The following FOXP1 variants were observed in gnomAD, a reference collection of about 807,000 sequenced individuals.
FOXP1 encodes forkhead box protein P1.
A neutral mutation model predicts 98.2 loss-of-function variants in FOXP1; 15 were observed. The ratio of observed to expected loss-of-function variants is 0.15; its 90% CI spans 0.10 to 0.24. FOXP1 has a LOEUF of 0.24. Ranked by LOEUF, FOXP1 falls within the 10% of genes least tolerant of loss-of-function variation. FOXP1 has a pLI of 1.00. For synonymous variants in FOXP1, 371 were observed against 314.5 expected (o/e 1.18, Z -1.90); for missense variants, 633 against 848.5 (o/e 0.75, Z 3.15).
chr3:71,100,998 G>A lies in FOXP1; in HGVS notation c.282+11538C>T, dbSNP rs1047469920. ...ATAAAGAACAGAAGATTCTTTGAGGGGAGGGGGTGACGGGTTGGAAAAAGT... is the reference window on the plus strand; with the variant it reads ...ATAAAGAACAGAAGATTCTTTGAGGAGAGGGGGTGACGGGTTGGAAAAAGT... On this transcript the variant is annotated intron_variant, in intron 7 of 20. Transcript: ENST00000649528. 5.9e-5 allele frequency among the ~76,000 whole-genome samples: 9 copies of A among 152,140 alleles called. No individual in the cohort carries two copies. In the East Asian group the frequency reaches 1.7e-3, roughly 29 times the overall value.
intron 3 of FOXP1, among the ~76,000 whole-genome samples, chr3:71,368,703 G>T (rs2079086148): frequency 6.6e-6 from 1 of 152,092 alleles, no homozygotes; most frequent in Admixed American, 6.6e-5. Flanking sequence ...CAATTTCACT[G>T]GCATTTATAC....
chr3:71,401,668 T>C (rs1299752009), intron 3 of FOXP1, among the ~76,000 whole-genome samples: 2 of 152,222 alleles, frequency 1.3e-5, no homozygotes, highest in African/African-American at 2.4e-5. Flanking sequence ...AAGACAACCT[T>C]TGCTGGGCAT....
intron 3 of FOXP1, among the ~76,000 whole-genome samples, chr3:71,414,465 G>A (rs1266894491): frequency 6.6e-6 from 1 of 152,192 alleles, no homozygotes; most frequent in Non-Finnish European, 1.5e-5. Flanking sequence ...CCACACAGCA[G>A]GGGATGCAGC....
rs1235228711 is a variant in FOXP1, at chr3:71,534,463, C to T, written c.-297-40908G>A. Among the ~76,000 whole-genome samples the T allele has an allele frequency of 2.6e-5, 4 of 152,302 alleles. No individual in the cohort carries two copies. The East Asian group carries it at 7.7e-4, about 29-fold the overall frequency. On this transcript the variant is annotated intron_variant, in intron 2 of 20. Transcript: ENST00000649528. Reference sequence around the variant, plus strand: ...CTCTGCATGTGGTCGAAAAAAAATCCACGTATGAGTAGACACCCCCAGTTC... The same window carrying T: ...CTCTGCATGTGGTCGAAAAAAAATCTACGTATGAGTAGACACCCCCAGTTC...
chr3:71,345,871 T>TAAAGAAAAAAAAA (rs2077314745), intron 4 of FOXP1, among the ~76,000 whole-genome samples: 1 of 55,096 alleles, frequency 1.8e-5, no homozygotes, highest in Non-Finnish European at 3.4e-5. Flanking sequence ...AAAGTTTTTG[T>TAAAGAAAAAAAAA]AAAAAAAAAA....
At chr3:70,990,165 G>A (rs1435169493) in intron 13 of FOXP1, among the ~76,000 whole-genome samples, 1 of 152,070 alleles carries the variant, frequency 6.6e-6, no homozygotes, top group Admixed American at 6.5e-5. Context: ...ACACAAAAAG[G>A]CAAAAATCTA....
intron 4 of FOXP1, among the ~76,000 whole-genome samples, chr3:71,310,938 T>C (rs2074639300): frequency 1.3e-5 from 2 of 152,224 alleles, no homozygotes; most frequent in African/African-American, 2.4e-5. Context: ...GCTGAACTGA[T>C]TCTGTTTGGT....
At chr3:71,329,472 G>A (rs1366552936) in intron 4 of FOXP1, among the ~76,000 whole-genome samples, 1 of 151,500 alleles carries the variant, frequency 6.6e-6, no homozygotes, top group Non-Finnish European at 1.5e-5. Context: ...ACCCGTCTCA[G>A]CCTCCCAAAG....
rs2107317040 is a variant in FOXP1, at chr3:70,977,934, C to T, written c.1242G>A (p.Leu414=). ...CAGAGGGGCCTTGGGTGACGGGAGT[C>T]AGGGGGGCGGTTGGGGTCGTTGGAG... is the stretch of plus-strand genomic sequence containing the variant. ...PHTPTTPTAP[L]TPVTQGPSVI... is the part of the protein sequence containing the mutation. The change falls in exon 15 of 21, where the codon CTG becomes CTA. Residue 414 remains leucine, a synonymous_variant. Transcript: ENST00000649528. The T allele has an allele frequency of 6.2e-7, 1 of 1,614,086 alleles. No homozygotes were observed. The highest frequency in any genetic ancestry group is 8.5e-7 in the Non-Finnish European group (1 of 1,180,024).
intron 6 of FOXP1, among the ~76,000 whole-genome samples, chr3:71,135,614 C>G (rs1213461913): frequency 6.6e-6 from 1 of 152,186 alleles, no homozygotes; most frequent in African/African-American, 2.4e-5. Flanking sequence ...AGCTTAACAA[C>G]AGATGGCTAG....
At chr3:71,523,060 C>A (rs1389857473) in intron 2 of FOXP1, among the ~76,000 whole-genome samples, 1 of 152,134 alleles carries the variant, frequency 6.6e-6, no homozygotes, top group Non-Finnish European at 1.5e-5. Flanking sequence ...GGGTGGGACC[C>A]TAATCCAATA....
At chr3:71,352,046 T>C (rs757177176) in intron 4 of FOXP1, among the ~76,000 whole-genome samples, 13 of 152,174 alleles carry the variant, frequency 8.5e-5, no homozygotes, top group Non-Finnish European at 1.3e-4. Context: ...TTAGATAGCA[T>C]TGAAGTATAA....
chr3:71,010,481 C>G (rs1295635718), intron 12 of FOXP1, among the ~76,000 whole-genome samples: 1 of 152,106 alleles, frequency 6.6e-6, no homozygotes, highest in East Asian at 1.9e-4. Context: ...CATTTCGGGA[C>G]TATGCCTGTT....
intron 6 of FOXP1, among the ~76,000 whole-genome samples, chr3:71,164,300 T>C (rs974190149): frequency 6.6e-6 from 1 of 151,950 alleles, no homozygotes; most frequent in African/African-American, 2.4e-5. Context: ...CCCGGGTTCA[T>C]GCCATTCTCC....
At chr3:71,208,536 T>TTCTGTGTGTGCG (rs10529764) in intron 5 of FOXP1, among the ~76,000 whole-genome samples, 1 of 149,346 alleles carries the variant, frequency 6.7e-6, no homozygotes, top group African/African-American at 2.5e-5. Context: ...GCATTTAAGT[T>TTCTGTGTGTGCG]TGTGTGTGTG....
intron 5 of FOXP1, among the ~76,000 whole-genome samples, chr3:71,294,118 A>C (rs1216604615): frequency 6.6e-6 from 1 of 152,246 alleles, no homozygotes; most frequent in Non-Finnish European, 1.5e-5. Context: ...GCGGGAGGGC[A>C]GAATGCAGTG....
chr3:71,272,461 T>C (rs1444239748), intron 5 of FOXP1, among the ~76,000 whole-genome samples: 1 of 151,786 alleles, frequency 6.6e-6, no homozygotes, highest in African/African-American at 2.4e-5. Flanking sequence ...GGGTGGGGGA[T>C]TTCAGGAGGA....
chr3:71,441,523 CAT>C (rs1403078520), intron 3 of FOXP1, among the ~76,000 whole-genome samples: 1 of 152,232 alleles, frequency 6.6e-6, no homozygotes, highest in Non-Finnish European at 1.5e-5. Flanking sequence ...TAGTCACTAA[CAT>C]GTCAGGCCCT....
chr3:71,022,147 G>A (rs1354646996), intron 11 of FOXP1, among the ~76,000 whole-genome samples: 1 of 152,034 alleles, frequency 6.6e-6, no homozygotes, highest in Non-Finnish European at 1.5e-5. Flanking sequence ...ATATGAGTCA[G>A]GGGTCCAAGT....
Sources: allele counts gnomAD v4.1 joint callset (sites outside exome capture counted in the v4.1 genomes callset), GRCh38; gene constraint gnomAD v4.1.1; transcripts MANE v1.5; gene names NCBI Gene and HGNC (gene_info 2026-07-23, HGNC 2026-07-21).